Variants in ME3 observed in about 807,000 individuals in gnomAD.
ME3 encodes the protein malic enzyme 3.
Under a neutral mutation model 68.9 loss-of-function variants are expected in ME3, and 48 were observed. That is an observed-to-expected ratio of 0.70 (90% CI 0.55 to 0.89). The LOEUF is 0.89. Among genes scored for constraint, ME3 ranks in the 40% least tolerant of loss-of-function variants. The pLI, the probability that ME3 is intolerant of heterozygous loss-of-function variation, is 0.00. For synonymous variants in ME3, 320 were observed against 318.8 expected (o/e 1.00, Z -0.04); for missense variants, 675 against 797.4 (o/e 0.85, Z 1.85).
chr11:86,552,605 C>T (rs1304925549), intron 4 of ME3, among the ~76,000 whole-genome samples: 1 of 152,148 alleles, frequency 6.6e-6, no homozygotes, highest in Non-Finnish European at 1.5e-5. Flanking sequence ...GCACCGCCCC[C>T]CATGCTGTTC....
chr11:86,474,102 G>A (rs539358046), intron 7 of ME3, among the ~76,000 whole-genome samples: 1 of 152,168 alleles, frequency 6.6e-6, no homozygotes, highest in South Asian at 2.1e-4. Flanking sequence ...CATGATGTGA[G>A]GGTGGACCTC....
intron 2 of ME3, among the ~76,000 whole-genome samples, chr11:86,637,328 C>T (rs1159762468): frequency 1.0e-5 from 1 of 100,280 alleles, no homozygotes; most frequent in African/African-American, 3.9e-5. Context: ...AATACGTAAA[C>T]AACAACAACA....
intron 8 of ME3, among the ~76,000 whole-genome samples, chr11:86,463,370 G>C (rs575861917): frequency 5.1e-4 from 78 of 152,348 alleles, no homozygotes; most frequent in African/African-American, 1.7e-3. Flanking sequence ...GGCTCTAGCA[G>C]GCAGGTGCTT....
chr11:86,487,231 A>T (rs1951745530), intron 7 of ME3, 106 bp downstream of exon 7: 8 of 865,476 alleles, frequency 9.2e-6, no homozygotes, highest in Non-Finnish European at 7.5e-6. Flanking sequence ...CTGGAAAAGC[A>T]TGCATCTACT....
intron 2 of ME3, among the ~76,000 whole-genome samples, chr11:86,645,107 C>A (rs1308066152): frequency 6.6e-6 from 1 of 152,210 alleles, no homozygotes; most frequent in African/African-American, 2.4e-5. Context: ...CACCAGGGCC[C>A]CAGGTTTCAA....
chr11:86,533,192 T>A (rs1313582199), intron 4 of ME3, among the ~76,000 whole-genome samples: 1 of 151,318 alleles, frequency 6.6e-6, no homozygotes, highest in African/African-American at 2.4e-5. Flanking sequence ...AGAAAAATAA[T>A]AGAAAAGATC....
At chr11:86,562,356 T>C (rs1173761983) in intron 2 of ME3, among the ~76,000 whole-genome samples, 3 of 152,228 alleles carry the variant, frequency 2.0e-5, no homozygotes, top group Non-Finnish European at 4.4e-5. Flanking sequence ...TAAATATTCC[T>C]GTGCAGGTTT....
intron 6 of ME3, among the ~76,000 whole-genome samples, chr11:86,496,546 G>A (rs1199713544): frequency 1.3e-5 from 2 of 152,164 alleles, no homozygotes; most frequent in African/African-American, 2.4e-5. Context: ...TCTTGACACC[G>A]TGAATCAAGA....
At chr11:86,443,424 C>A (rs1421932281) in intron 13 of ME3, among the ~76,000 whole-genome samples, 1 of 152,218 alleles carries the variant, frequency 6.6e-6, no homozygotes, top group Admixed American at 6.5e-5. Context: ...GAGTCTTACA[C>A]CTTATTGGAA....
At chr11:86,481,869 C>T (rs1407498795) in intron 7 of ME3, among the ~76,000 whole-genome samples, 3 of 152,152 alleles carry the variant, frequency 2.0e-5, no homozygotes, top group Non-Finnish European at 2.9e-5. Context: ...CTGCTGCCAC[C>T]CCTTATTCCA....
chr11:86,655,284 C>G (rs1367118380), intron 2 of ME3, among the ~76,000 whole-genome samples: 1 of 151,964 alleles, frequency 6.6e-6, no homozygotes, highest in African/African-American at 2.4e-5. Flanking sequence ...GAGCCTGCAT[C>G]GCCAAGTCAA....
At chr11:86,641,040 G>A (rs937779266) in intron 2 of ME3, among the ~76,000 whole-genome samples, 1 of 104,158 alleles carries the variant, frequency 9.6e-6, no homozygotes, top group Non-Finnish European at 2.3e-5. Context: ...TTTCACTGGG[G>A]GGGGGGGTCA....
At chr11:86,521,431 A>ATAATAATAAT (rs1555221577) in intron 4 of ME3, among the ~76,000 whole-genome samples, 16 of 145,924 alleles carry the variant, frequency 1.1e-4, no homozygotes, top group Non-Finnish European at 1.5e-4. Context: ...AACAAAACAA[A>ATAATAATAAT]AATAATAATA....
chr11:86,440,409 G>T (rs1948934819), downstream of ME3, among the ~76,000 whole-genome samples: 1 of 152,130 alleles, frequency 6.6e-6, no homozygotes, highest in African/African-American at 2.4e-5. Flanking sequence ...AAACTGCTTT[G>T]TGTTGCTCAA....
At chr11:86,600,687 A>G (rs1452873166) in intron 2 of ME3, among the ~76,000 whole-genome samples, 1 of 152,036 alleles carries the variant, frequency 6.6e-6, no homozygotes, top group African/African-American at 2.4e-5. Context: ...TCCAAAATTG[A>G]CCACATAGTT....
chr11:86,511,713 G>A (rs764680472), intron 4 of ME3, among the ~76,000 whole-genome samples: 1 of 152,136 alleles, frequency 6.6e-6, no homozygotes, highest in Non-Finnish European at 1.5e-5. Flanking sequence ...TGAAATGTAG[G>A]CATAGTTTCT....
At chr11:86,551,102 A>G (rs1156603341) in intron 4 of ME3, among the ~76,000 whole-genome samples, 1 of 152,160 alleles carries the variant, frequency 6.6e-6, no homozygotes, top group Non-Finnish European at 1.5e-5. Context: ...CAAGGAGGTA[A>G]ATGTGAACCT....
intron 2 of ME3, among the ~76,000 whole-genome samples, chr11:86,632,511 G>A (rs1035992527): frequency 5.9e-5 from 9 of 152,186 alleles, no homozygotes; most frequent in African/African-American, 2.2e-4. Flanking sequence ...TAGTCCTCAG[G>A]ATTCTAGTCC....
chr11:86,536,110 A>G (rs978581601), intron 4 of ME3, among the ~76,000 whole-genome samples: 1 of 152,058 alleles, frequency 6.6e-6, no homozygotes, highest in African/African-American at 2.4e-5. Flanking sequence ...TGAATTGTCT[A>G]TTTCCTTGTG....
Sources: allele counts gnomAD v4.1 joint callset (sites outside exome capture counted in the v4.1 genomes callset), GRCh38; gene constraint gnomAD v4.1.1; transcripts MANE v1.5; gene names NCBI Gene and HGNC (gene_info 2026-07-23, HGNC 2026-07-21).